Variants in TCF25 observed in about 807,000 individuals in gnomAD.
TCF25 encodes ribosome quality control complex subunit TCF25.
A neutral mutation model predicts 83.1 loss-of-function variants in TCF25; 41 were observed. The observed-to-expected ratio is 0.49, with a 90% CI of 0.38 to 0.64. TCF25 has a LOEUF of 0.64. Among genes scored for constraint, TCF25 ranks in the 30% least tolerant of loss-of-function variants. The pLI is 0.00. For missense variants in TCF25, 979 were observed against 914.5 expected, an observed-to-expected ratio of 1.07 and a Z score of -0.91; for synonymous variants, 458 against 365.0, an observed-to-expected ratio of 1.25 and a Z score of -2.90.
At chr16:89,900,991 C>T (rs1283980343) in intron 12 of TCF25, 197 bp downstream of exon 12, 2 of 564,224 alleles carry the variant, frequency 3.5e-6, no homozygotes, top group African/African-American at 3.7e-5. Flanking sequence ...GCGTGCCAAG[C>T]CAGGCACGAG....
At chr16:89,906,973 C>G (rs1321393269) in intron 15 of TCF25, among the ~76,000 whole-genome samples, 1 of 152,070 alleles carries the variant, frequency 6.6e-6, no homozygotes, top group Non-Finnish European at 1.5e-5. Context: ...ACGTGACCCC[C>G]TTCCTTCCCC....
At chr16:89,875,722 C>T (rs2143888283) in intron 1 of TCF25, among the ~76,000 whole-genome samples, 1 of 150,776 alleles carries the variant, frequency 6.6e-6, no homozygotes, top group Admixed American at 6.6e-5. Flanking sequence ...TGGGGTTTCA[C>T]CATGTTAGCC....
intron 6 of TCF25, among the ~76,000 whole-genome samples, chr16:89,893,060 C>A (rs1010386929): frequency 3.3e-5 from 5 of 152,226 alleles, no homozygotes; most frequent in African/African-American, 1.2e-4. Context: ...CCCTTCCTGG[C>A]AGGAACCCCT....
chr16:89,878,888 A>G (rs1053228435), intron 1 of TCF25, among the ~76,000 whole-genome samples: 3 of 152,028 alleles, frequency 2.0e-5, no homozygotes, highest in African/African-American at 4.8e-5. Flanking sequence ...CCATCTGCCC[A>G]CCTCTGCCTC....
In TCF25 at chr16:89,885,867, T is replaced by C. The variant is rs760517573; in HGVS notation, c.449T>C (p.Ile150Thr). 5 of 1,612,810 alleles carry C rather than the reference T, an allele frequency of 3.1e-6. No homozygotes were observed. The highest frequency in any genetic ancestry group is 1.1e-5 in the South Asian group (1 of 91,080). Residue 150 changes from isoleucine (I) to threonine (T), a missense_variant, in exon 4 of 18, where the codon ATC becomes ACC. Physicochemically the swap from Ile to Thr is moderately conservative, Grantham distance 89. Coordinates refer to ENST00000263346, the MANE Select transcript of TCF25 (RefSeq NM_014972.3). ...TTTTAGGAAAACGGACTAGAAGATA[T>C]CGATCGCATCCTAGAGAGGATTGAG... ...GEASENGLED[I>T]DRILERIEDS...
intron 5 of TCF25, chr16:89,890,099 A>T (rs945631354): frequency 6.6e-6 from 1 of 151,894 alleles, no homozygotes; most frequent in African/African-American, 2.4e-5. Context: ...CGATCTCCTG[A>T]CCTCAAGTGA....
intron 13 of TCF25, 80 bp downstream of exon 13, chr16:89,904,285 G>T: frequency 6.8e-7 from 1 of 1,461,610 alleles, no homozygotes; most frequent in Non-Finnish European, 9.4e-7. Context: ...ATCCTGAGAG[G>T]CCCTGAGGGA....
intron 13 of TCF25, 200 bp from the exon 14 acceptor site, chr16:89,904,738 A>G (rs2044634026): frequency 2.8e-6 from 2 of 716,082 alleles, no homozygotes; most frequent in Admixed American, 4.1e-5. Flanking sequence ...TAAAGAACAT[A>G]ACCTGCCCAA....
chr16:89,887,812 G>C, intron 5 of TCF25, 95 bp downstream of exon 5: 1 of 1,233,142 alleles, frequency 8.1e-7, no homozygotes, highest in Non-Finnish European at 1.1e-6. Flanking sequence ...TTACCCTTGA[G>C]GGAGAGTATT....
At chr16:89,897,346 T>G (rs563895946) in intron 9 of TCF25, among the ~76,000 whole-genome samples, 1 of 152,390 alleles carries the variant, frequency 6.6e-6, no homozygotes, top group Non-Finnish European at 1.5e-5. Context: ...TCCCGCAGCC[T>G]GTCCTGTGGG....
At position 89,873,677 on chromosome 16, in the gene TCF25, C is replaced by T. The variant is rs1254223463; in HGVS notation, c.10C>T (p.Arg4Trp). ...GTGGTCGTTCGGTCCTATGTCGCGC[C>T]GGGCCCTCCGGAGGCTGAGGGGGGA... is the stretch of plus-strand genomic sequence containing the variant. Reference protein sequence around the residue: MSRRALRRLRGEQR... With the variant: MSRWALRRLRGEQR... Residue 4 changes from arginine (R) to tryptophan (W), a missense_variant, in exon 1 of 18, where the codon CGG becomes TGG. By Grantham distance (101) the Arg-to-Trp change is moderately radical. Coordinates refer to ENST00000263346, the MANE Select transcript of TCF25 (RefSeq NM_014972.3). 1 of 1,596,074 alleles carries T rather than the reference C, an allele frequency of 6.3e-7. No individual in the cohort carries two copies.
chr16:89,896,773 CT>C (rs2043889816), intron 9 of TCF25, among the ~76,000 whole-genome samples: 1 of 152,050 alleles, frequency 6.6e-6, no homozygotes, highest in African/African-American at 2.4e-5. Context: ...CCAGGATGGT[CT>C]CCATCTCCTG....
At position 89,900,803 on chromosome 16, in the gene TCF25, G is replaced by C; in HGVS notation, c.1381+9G>C. On this transcript the variant is annotated intron_variant, in intron 12 of 17. Coordinates refer to ENST00000263346, the MANE Select transcript of TCF25 (RefSeq NM_014972.3). The stretch of plus-strand genomic sequence containing the variant: ...CACCATGTTCCCTGGAGGTGAGTGA[G>C]CGCTGTGTCTCGCCTGGGGTAGGGG... 1 of 1,564,528 alleles carries C rather than the reference G, an allele frequency of 6.4e-7. No homozygotes were observed. The highest frequency in any genetic ancestry group is 8.8e-7 in the Non-Finnish European group (1 of 1,140,880).
intron 1 of TCF25, among the ~76,000 whole-genome samples, chr16:89,881,859 A>G (rs2042633396): frequency 1.3e-5 from 2 of 152,108 alleles, no homozygotes; most frequent in Non-Finnish European, 2.9e-5. Flanking sequence ...GATTCAAGCA[A>G]TTCTCCTGCC....
chr16:89,875,744 G>A (rs556003575), intron 1 of TCF25, among the ~76,000 whole-genome samples: 114 of 147,910 alleles, frequency 7.7e-4, no homozygotes, highest in African/African-American at 1.4e-3. Context: ...GGATGGTCTC[G>A]ATCTCCTGAC....
In TCF25 at chr16:89,898,762, G is replaced by A. The variant is rs1445409239; in HGVS notation, c.1116-5G>A. 4.3e-6 allele frequency: 7 copies of A among 1,613,622 alleles called. No individual in the cohort carries two copies. In the African/African-American group the frequency reaches 5.3e-5, roughly 12 times the overall value. Reference sequence around the variant, plus strand: ...TTGCTCTGCTCTCTGTGCTGCCTCCGGAAGTCTCGAGCCGGATGAGGACCC... The same window carrying A: ...TTGCTCTGCTCTCTGTGCTGCCTCCAGAAGTCTCGAGCCGGATGAGGACCC... On this transcript the variant is annotated splice_polypyrimidine_tract_variant and splice_region_variant and intron_variant, in intron 10 of 17. Transcript: ENST00000263346.
intron 7 of TCF25, among the ~76,000 whole-genome samples, chr16:89,894,345 AGCTCCCCTTGCAGCCCCGGACG>A (rs2043666172): frequency 7.6e-6 from 1 of 132,230 alleles, no homozygotes. Flanking sequence ...GCCCCTGGAC[AGCTCCCCTTGCAGCCCCGGACG>A]GCCCCCGCGC....
At position 89,894,944 on chromosome 16, in the gene TCF25, C is replaced by G. The variant is rs7185687; in HGVS notation, c.829-94C>G. On this transcript the variant is annotated intron_variant, in intron 7 of 17. Transcript: ENST00000263346. ...ACAGGCGTGAGCCACTGCGCCCAGC[C>G]TCCGCTGGTTTTAAATGTCTGAAAA... 3.6e-3 allele frequency: 4,039 copies of G among 1,131,798 alleles called. 114 individuals carry two copies. The African/African-American group carries it at 0.055, about 15-fold the overall frequency. 70.1% of individuals were successfully genotyped at this position (1,131,798 alleles called of 1,614,324 possible).
At chr16:89,903,211 C>T (rs537829677) in intron 12 of TCF25, among the ~76,000 whole-genome samples, 12 of 152,356 alleles carry the variant, frequency 7.9e-5, no homozygotes, top group African/African-American at 2.4e-4. Context: ...GCCAAGAAGC[C>T]GCTGCCACTT....
Sources: allele counts gnomAD v4.1 joint callset (sites outside exome capture counted in the v4.1 genomes callset), GRCh38; gene constraint gnomAD v4.1.1; transcripts MANE v1.5; gene names NCBI Gene and HGNC (gene_info 2026-07-23, HGNC 2026-07-21).